HMCN2: variants seen among roughly 807,000 people sequenced by gnomAD.
The protein encoded by HMCN2 is hemicentin-2.
A neutral mutation model predicts 377.5 loss-of-function variants in HMCN2; 325 were observed. The ratio of observed to expected loss-of-function variants is 0.86; its 90% confidence interval spans 0.79 to 0.94. The LOEUF (loss-of-function observed/expected upper bound fraction) is 0.94, where lower values mean the gene tolerates loss of function less well. Ranked by LOEUF, HMCN2 falls within the 40% of genes least tolerant of loss-of-function variation. HMCN2 has a pLI of 0.00. For missense variants in HMCN2, 4,543 were observed against 4,725.3 expected (o/e 0.96, Z 1.13); for synonymous variants, 2,007 against 2,046.8 (o/e 0.98, Z 0.53).
chr9:130,360,336 TGCA>T lies in HMCN2; in HGVS notation c.5774-91_5774-89del. 1 of 638,862 alleles carries T rather than the reference TGCA, an allele frequency of 1.6e-6. No individual in the cohort carries two copies. Among genetic ancestry groups the T allele is most frequent in the Non-Finnish European group, 2.2e-6 (1 of 462,512 alleles). 39.6% of individuals were successfully genotyped at this position (638,862 alleles called of 1,614,324 possible). On this transcript the variant is annotated intron_variant, in intron 37 of 97. Transcript: ENST00000683500. The surrounding 1 kb of genome is among the most constrained non-coding windows in gnomAD (Gnocchi z 4.7). ...CTTGCATCTCTCTTCCTTTCCCCCT[TGCA>T]TCTCTCTTCCTTTCCCCCTTACTTC...
At chr9:130,313,711 G>A (rs1006787721) in intron 15 of HMCN2, among the ~76,000 whole-genome samples, 1 of 150,638 alleles carries the variant, frequency 6.6e-6, no homozygotes, top group African/African-American at 2.4e-5. Context: ...CCCCTCCTGA[G>A]TTCAGTGCCC....
At chr9:130,408,405 A>G (rs1447691766) in intron 83 of HMCN2, among the ~76,000 whole-genome samples, 4 of 152,204 alleles carry the variant, frequency 2.6e-5, no homozygotes, top group Admixed American at 1.3e-4. Flanking sequence ...CTGCTAGTGT[A>G]ATCCATCTGT....
rs1377346972 is a variant in HMCN2 at position 130,429,611 on chromosome 9, A to G, written c.14252A>G (p.Glu4751Gly). 8 of 1,550,132 alleles carry G rather than the reference A, an allele frequency of 5.2e-6. No homozygotes were observed. The stretch of plus-strand genomic sequence containing the variant: ...GACTGTCACTACAACCAGCTCTGCG[A>G]GAACACCCCAGGCGGTCACCGCTGC... ...LDDCHYNQLC[E>G]NTPGGHRCSC... Residue 4751 changes from glutamate (E) to glycine (G), a missense_variant, in exon 94 of 98, where the codon GAG becomes GGG. Glu to Gly is a moderately conservative substitution (Grantham distance 98, BLOSUM62 -2). Transcript: ENST00000683500.
Position 130,369,761 on chromosome 9 carries a change from C to T in HMCN2, c.6979C>T (p.Arg2327Trp), listed in dbSNP as rs61736742. The T allele has an allele frequency of 0.052, 51,280 of 985,818 alleles. 1,401 individuals are homozygous for T. The highest frequency in any genetic ancestry group is 0.056 in the Non-Finnish European group (46,659 of 829,940). The allele number at this position is 985,818 out of a possible 1,614,324, so 61.1% of individuals were successfully genotyped here. A position where few individuals can be genotyped will look rare whatever the true frequency, so the allele number is the denominator to read the frequency against. ...QNQGQSLHVE[R>W]AQAAHTGRYS... Reference sequence around the variant, plus strand: ...CCAGGGTCAGAGCCTGCATGTGGAGCGGGCCCAGGCTGCCCACACTGGACG... The same window carrying T: ...CCAGGGTCAGAGCCTGCATGTGGAGTGGGCCCAGGCTGCCCACACTGGACG... The change falls in exon 45 of 98, where the codon CGG becomes TGG. Residue 2327 changes from arginine to tryptophan, a missense_variant. Coordinates refer to ENST00000683500, the MANE Select transcript of HMCN2 (RefSeq NM_001291815.2). This position sits in a 1 kb window ranked among gnomAD's most constrained non-coding sequence, Gnocchi z 4.5.
chr9:130,269,973 G>T (rs1554920546), intron 1 of HMCN2, among the ~76,000 whole-genome samples: 1 of 147,918 alleles, frequency 6.8e-6, no homozygotes, highest in African/African-American at 2.4e-5. Context: ...ACCACGTCCG[G>T]CTAATTTTTG....
At chr9:130,411,423 G>A (rs1843400672) in intron 85 of HMCN2, among the ~76,000 whole-genome samples, 1 of 151,918 alleles carries the variant, frequency 6.6e-6, no homozygotes, top group African/African-American at 2.4e-5. Context: ...CCAGCATAGT[G>A]AAACCCTGTC....
rs797035947 is a variant in HMCN2, at chr9:130,278,018, CCACCACCACGATCAT to C, written c.260-6575_260-6561del. Among the ~76,000 whole-genome samples the C allele has an allele frequency of 2.3e-4, 17 of 74,408 alleles. 3 individuals carry two copies. In the South Asian group the frequency reaches 5.7e-3, roughly 25 times the overall value. 48.8% of individuals were successfully genotyped at this position (74,408 alleles called of 152,430 possible). On this transcript the variant is annotated intron_variant, in intron 1 of 97. Coordinates refer to ENST00000683500, the MANE Select transcript of HMCN2 (RefSeq NM_001291815.2). ...ATCACCACCACCACCATCATCATCA[CCACCACCACGATCAT>C]CACCACCACCATCATCATTACCACC...
Position 130,265,770 on chromosome 9 carries a change from C to T in HMCN2, c.-109C>T, listed in dbSNP as rs1834055393. The T allele has an allele frequency of 2.6e-5, 6 of 228,684 alleles. 1 individual carries two copies. The highest frequency in any genetic ancestry group is 3.5e-4 in the East Asian group (2 of 5,790). The allele number at this position is 228,684 out of a possible 1,614,324, so 14.2% of individuals were successfully genotyped here. A position where few individuals can be genotyped will look rare whatever the true frequency, so the allele number is the denominator to read the frequency against. ...GCCCCTATCCCTCGCGCACTGGCCGCGGCCCGACGGAGCAAGGCACTGCCT... is the reference window on the plus strand; with the variant it reads ...GCCCCTATCCCTCGCGCACTGGCCGTGGCCCGACGGAGCAAGGCACTGCCT... On this transcript the variant is annotated 5_prime_UTR_variant, in exon 1 of 98. Coordinates refer to ENST00000683500, the MANE Select transcript of HMCN2 (RefSeq NM_001291815.2).
intron 15 of HMCN2, among the ~76,000 whole-genome samples, chr9:130,315,380 T>G (rs1837518689): frequency 1.7e-5 from 1 of 59,396 alleles, no homozygotes; most frequent in Non-Finnish European, 3.2e-5. Context: ...CTCCCCTCCC[T>G]TCCTTTCCTT....
Position 130,364,774 on chromosome 9 carries a change from C to T in HMCN2, c.6293C>T (p.Ala2098Val). ...NVSVVANESV[A>V]LECQSHAMPP... ...TCCGTTGTGGCCAATGAGTCAGTGG[C>T]CCTGGAGTGCCAGAGCCACGCCATG... Residue 2098 changes from alanine to valine, a missense_variant, in exon 41 of 98, where the codon GCC becomes GTC. By Grantham distance (64) the Ala-to-Val change is moderately conservative. Transcript: ENST00000683500. The T allele has an allele frequency of 3.0e-6, 3 of 985,910 alleles. No homozygotes were observed. The highest frequency in any genetic ancestry group is 3.6e-6 in the Non-Finnish European group (3 of 829,974). 61.1% of individuals were successfully genotyped at this position (985,910 alleles called of 1,614,324 possible).
rs1205123856 is a variant in HMCN2 at position 130,277,898 on chromosome 9, C to T, written c.260-6705C>T. On this transcript the variant is annotated intron_variant, in intron 1 of 97. Transcript: ENST00000683500. ...ACCACCACCATCATCATCACCACCA[C>T]CATCATCATCACCACCACCACCATC... 7.5e-4 allele frequency among the ~76,000 whole-genome samples: 22 copies of T among 29,378 alleles called. 7 individuals are homozygous for T. The highest frequency in any genetic ancestry group is 3.8e-3 in the South Asian group (2 of 522). 19.3% of individuals were successfully genotyped at this position (29,378 alleles called of 152,430 possible).
chr9:130,299,383 A>G (rs1229147750), intron 8 of HMCN2, 95 bp downstream of exon 8: 1 of 364,634 alleles, frequency 2.7e-6, no homozygotes, highest in East Asian at 7.6e-5. Context: ...ATTAAATTAG[A>G]TTAGAAAGTG....
chr9:130,323,578 C>A (rs1449574600), intron 19 of HMCN2, among the ~76,000 whole-genome samples: 3 of 152,172 alleles, frequency 2.0e-5, no homozygotes, highest in African/African-American at 7.2e-5. Flanking sequence ...AATGAATCAG[C>A]GCAGCTGGTT....
rs112407119 is a variant in HMCN2 at position 130,431,470 on chromosome 9, C to G, written c.14751C>G (p.Ser4917Arg). ...CCGCCGGCTACCGTCTGCTCCCCAG[C>G]GGGAAGAACTGCCAGGGTGAGCCGG... ...LCPAGYRLLPSGKNCQDINEC... is the reference protein window; with the variant it reads ...LCPAGYRLLPRGKNCQDINEC... The change falls in exon 96 of 98, where the codon AGC becomes AGG. Residue 4917 changes from serine to arginine, a missense_variant. By Grantham distance (110) the Ser-to-Arg change is moderately radical. Transcript: ENST00000683500. The G allele has an allele frequency of 6.5e-7, 1 of 1,549,466 alleles. No homozygotes were observed. The highest frequency in any genetic ancestry group is 8.7e-7 in the Non-Finnish European group (1 of 1,146,798).
At chr9:130,331,007 A>ACACAC (rs1838396280) in intron 22 of HMCN2, among the ~76,000 whole-genome samples, 4 of 150,790 alleles carry the variant, frequency 2.7e-5, no homozygotes, top group Admixed American at 6.6e-5. Context: ...ACACACACAC[A>ACACAC]AATAGCCGGA....
At chr9:130,395,135 A>AT in intron 70 of HMCN2, 27 bp downstream of exon 70, 6 of 161,030 alleles carry the variant, frequency 3.7e-5, no homozygotes, top group Non-Finnish European at 4.0e-5. Flanking sequence ...GGGTGGGGGC[A>AT]GGGCCGGGAG....
intron 66 of HMCN2, among the ~76,000 whole-genome samples, 153 bp downstream of exon 66, chr9:130,392,271 A>AATCC (rs779053190): frequency 1.8e-4 from 27 of 152,198 alleles, no homozygotes; most frequent in Non-Finnish European, 3.5e-4. Context: ...TGCTAATGCT[A>AATCC]GGATGGGTCT....
intron 85 of HMCN2, among the ~76,000 whole-genome samples, chr9:130,416,818 TGGAAAA>T (rs910382056): frequency 1.3e-5 from 2 of 151,542 alleles, no homozygotes; most frequent in African/African-American, 4.9e-5. Flanking sequence ...TTTCCTTACT[TGGAAAA>T]GGAATCTTTG....
chr9:130,371,531 G>A (rs1841022362), intron 46 of HMCN2, among the ~76,000 whole-genome samples: 1 of 152,148 alleles, frequency 6.6e-6, no homozygotes, highest in South Asian at 2.1e-4. Flanking sequence ...TCATAAAATG[G>A]GTTTGTGAGG....
Sources: gnomAD v4.1 joint callset for allele counts (sites outside exome capture counted in the v4.1 genomes callset) on GRCh38, gnomAD v4.1.1 for gene constraint, Gnocchi (gnomAD v3.1) non-coding constraint, MANE v1.5 for transcripts, NCBI Gene and HGNC (gene_info 2026-07-23, HGNC 2026-07-21) for gene names.